Variants in PDE6A observed in about 807,000 individuals in gnomAD.
The protein encoded by PDE6A is phosphodiesterase 6A, also known as rod cGMP-specific 3',5'-cyclic phosphodiesterase subunit alpha.
A neutral mutation model predicts 106.3 loss-of-function variants in PDE6A; 84 were observed. The observed-to-expected ratio is 0.79, with a 90% CI of 0.66 to 0.95. The LOEUF is 0.95. Among genes scored for constraint, PDE6A ranks in the 40% least tolerant of loss-of-function variants. PDE6A has a pLI of 0.00. For synonymous variants in PDE6A, 394 were observed against 386.6 expected, an observed-to-expected ratio of 1.02 and a Z score of -0.23; for missense variants, 1,052 against 1,084.9, an observed-to-expected ratio of 0.97 and a Z score of 0.43.
chr5:149,907,471 G>A, intron 6 of PDE6A, 93 bp from the exon 7 acceptor site: 2 of 1,004,392 alleles, frequency 2.0e-6, no homozygotes, highest in Non-Finnish European at 1.6e-6. Context: ...CCTGCTCTCA[G>A]GTGGCTCTCA....
intron 6 of PDE6A, among the ~76,000 whole-genome samples, chr5:149,908,235 G>A (rs1753264469): frequency 6.6e-6 from 1 of 152,074 alleles, no homozygotes; most frequent in African/African-American, 2.4e-5. Context: ...TCAACTGTTG[G>A]TGGACATCCC....
intron 5 of PDE6A, among the ~76,000 whole-genome samples, chr5:149,920,945 AG>A (rs1428031570): frequency 3.6e-5 from 4 of 109,796 alleles, no homozygotes; most frequent in African/African-American, 2.3e-4. Flanking sequence ...AGAGAGAAAA[AG>A]AAAGAAAGAA....
chr5:149,933,693 T>C (rs1754106747), intron 3 of PDE6A, among the ~76,000 whole-genome samples: 1 of 152,232 alleles, frequency 6.6e-6, no homozygotes, highest in African/African-American at 2.4e-5. Context: ...CTTAGGGTCT[T>C]AGAGCTAGGC....
intron 1 of PDE6A, among the ~76,000 whole-genome samples, chr5:149,940,433 T>G (rs1337661730): frequency 2.0e-5 from 3 of 151,854 alleles, no homozygotes; most frequent in African/African-American, 7.3e-5. Context: ...CCACCGGGTA[T>G]GCTTTCCACA....
intron 6 of PDE6A, among the ~76,000 whole-genome samples, chr5:149,910,806 G>T (rs1171734809): frequency 1.3e-5 from 2 of 149,770 alleles, no homozygotes; most frequent in East Asian, 3.9e-4. Flanking sequence ...ACACTAAATT[G>T]CTATCTGACC....
chr5:149,934,698 A>G lies in PDE6A; in HGVS notation c.495T>C (p.Phe165=). The G allele has an allele frequency of 6.2e-7, 1 of 1,613,978 alleles. No individual in the cohort carries two copies. Among genetic ancestry groups the G allele is most frequent in the Non-Finnish European group, 8.5e-7 (1 of 1,180,030 alleles). The change falls in exon 2 of 22, where the codon TTT becomes TTC. Residue 165 remains phenylalanine (F), a synonymous_variant. Transcript: ENST00000255266. ...NTEEDEHFCD[F]VDILTEYKTK... The stretch of plus-strand genomic sequence containing the variant: ...TCTTGTACTCTGTGAGGATGTCCAC[A>G]AAGTCACAGAAATGCTCATCCTAAA...
chr5:149,867,695 A>G (rs747868234), intron 19 of PDE6A, 30 bp downstream of exon 19: 4 of 1,597,960 alleles, frequency 2.5e-6, no homozygotes, highest in Admixed American at 1.7e-5. Flanking sequence ...CACACACCTA[A>G]CATCAGGCTG....
At chr5:149,872,895 G>GT (rs1315898171) in intron 17 of PDE6A, among the ~76,000 whole-genome samples, 1 of 152,188 alleles carries the variant, frequency 6.6e-6, no homozygotes, top group African/African-American at 2.4e-5. Context: ...GACAGTAAAT[G>GT]TTTGACGTTT....
intron 13 of PDE6A, among the ~76,000 whole-genome samples, chr5:149,892,240 C>T (rs899938708): frequency 2.7e-4 from 41 of 151,918 alleles, no homozygotes; most frequent in African/African-American, 9.9e-4. Context: ...CACTTGAACC[C>T]AGGAGTTTGA....
chr5:149,892,068 C>T (rs1752565446), intron 13 of PDE6A, among the ~76,000 whole-genome samples: 1 of 152,058 alleles, frequency 6.6e-6, no homozygotes, highest in South Asian at 2.1e-4. Context: ...ATTCCAGCAA[C>T]TTGGGAGACT....
At position 149,931,113 on chromosome 5, in the gene PDE6A, T is replaced by C; in HGVS notation, c.773A>G (p.Gln258Arg). Residue 258 changes from glutamine (Q) to arginine (R), a missense_variant, in exon 4 of 22, where the codon CAG becomes CGG. Physicochemically the swap from Gln to Arg is conservative, Grantham distance 43. Around this residue, in one of 3 missense-constraint regions of PDE6A, gnomAD observed 913 missense variants for 915.2 expected, o/e 1.00. Transcript: ENST00000255266. ...GACTGTGTACAGGGCTTTGTGGAACTGTCGTTCGATGTCCGTAAGTTCTTC... is the reference window on the plus strand; with the variant it reads ...GACTGTGTACAGGGCTTTGTGGAACCGTCGTTCGATGTCCGTAAGTTCTTC... ...VFEELTDIER[Q>R]FHKALYTVRA... The C allele has an allele frequency of 6.2e-7, 1 of 1,614,186 alleles. No individual in the cohort carries two copies.
rs368921211 is a variant in PDE6A, at chr5:149,910,191, G to A, written c.999-2813C>T. 4.1e-4 allele frequency among the ~76,000 whole-genome samples: 43 copies of A among 104,662 alleles called. No homozygotes were observed. The East Asian group carries it at 6.0e-3, about 15-fold the overall frequency. 68.7% of individuals were successfully genotyped at this position (104,662 alleles called of 152,430 possible). A position where few individuals can be genotyped will look rare whatever the true frequency, so the allele number is the denominator to read the frequency against. ...TATCTCTACTAATGCTCTTTGGTATGTCTATTTTTCTATGATATTAATAAC... is the reference window on the plus strand; with the variant it reads ...TATCTCTACTAATGCTCTTTGGTATATCTATTTTTCTATGATATTAATAAC... On this transcript the variant is annotated intron_variant, in intron 6 of 21. Coordinates refer to ENST00000255266, the MANE Select transcript of PDE6A (RefSeq NM_000440.3).
chr5:149,899,704 C>T (rs939694999), intron 8 of PDE6A, among the ~76,000 whole-genome samples, 180 bp from the exon 9 acceptor site: 1 of 152,078 alleles, frequency 6.6e-6, no homozygotes, highest in Non-Finnish European at 1.5e-5. Flanking sequence ...CCCATCTGGT[C>T]GGAATTCCTT....
chr5:149,926,243 GA>G lies in PDE6A; in HGVS notation c.859-4535del, dbSNP rs1304193303. Among the ~76,000 whole-genome samples the G allele has an allele frequency of 6.0e-5, 9 of 149,922 alleles. No homozygotes were observed. The South Asian group carries it at 6.3e-4, about 10-fold the overall frequency. ...GGCAAAAGAGTGAGATATCTGTCTT[GA>G]AAAAAAAATTAATTAAAAAAAACAT... On this transcript the variant is annotated intron_variant, in intron 4 of 21. Coordinates refer to ENST00000255266, the MANE Select transcript of PDE6A (RefSeq NM_000440.3).
At chr5:149,883,315 G>C (rs1020760743) in intron 17 of PDE6A, 114 bp downstream of exon 17, 1 of 734,052 alleles carries the variant, frequency 1.4e-6, no homozygotes, top group Non-Finnish European at 2.5e-6. Context: ...TATGTTGAAG[G>C]CCTCCAAAAT....
chr5:149,882,425 T>G (rs1052356166), intron 17 of PDE6A, among the ~76,000 whole-genome samples: 2 of 152,068 alleles, frequency 1.3e-5, no homozygotes, highest in South Asian at 4.1e-4. Context: ...CAACTTTTCC[T>G]GACCATTGCC....
rs1043479340 is a variant in PDE6A, at chr5:149,863,036, G to T, written c.2506+83C>A. 14 of 1,520,450 alleles carry T rather than the reference G, an allele frequency of 9.2e-6. No homozygotes were observed. Among genetic ancestry groups the T allele is most frequent in the Non-Finnish European group, 1.3e-5 (14 of 1,094,968 alleles). 94.2% of individuals were successfully genotyped at this position (1,520,450 alleles called of 1,614,324 possible). On this transcript the variant is annotated intron_variant, in intron 21 of 21. Coordinates refer to ENST00000255266, the MANE Select transcript of PDE6A (RefSeq NM_000440.3). This position sits in a 1 kb window ranked among gnomAD's most constrained non-coding sequence, Gnocchi z 4.7. ...TCAGGAGGCCTGAATGAGACTCCGT[G>T]TAAGAGTCTCTGAGGCAGGACGCAG...
intron 6 of PDE6A, 23 bp from the exon 7 acceptor site, chr5:149,907,401 G>A (rs758178049): frequency 2.6e-5 from 42 of 1,601,458 alleles, no homozygotes; most frequent in Middle Eastern, 3.3e-4. Context: ...AAGACAAAAC[G>A]GTGACTCTCA....
Position 149,944,614 on chromosome 5 carries a change from G to C in PDE6A, c.60C>G (p.Ala20=), listed in dbSNP as rs765355369. The C allele has an allele frequency of 9.3e-6, 15 of 1,613,918 alleles. No individual in the cohort carries two copies. In the South Asian group the frequency reaches 1.4e-4, roughly 15 times the overall value. The change falls in exon 1 of 22, where the codon GCC becomes GCG. Residue 20 remains alanine (A), a synonymous_variant. Coordinates refer to ENST00000255266, the MANE Select transcript of PDE6A (RefSeq NM_000440.3). ...GGTAGTGGAGGTTGTAGTACTGTTT[G>C]GCAAAGCCAATATTCGAGTCCAGGA... ...EKFLDSNIGF[A]KQYYNLHYRA...
Sources: gnomAD v4.1 joint callset for allele counts (sites outside exome capture counted in the v4.1 genomes callset) on GRCh38, gnomAD v4.1.1 for gene constraint, gnomAD v4.1.1 regional missense constraint, Gnocchi (gnomAD v3.1) non-coding constraint, MANE v1.5 for transcripts, NCBI Gene and HGNC (gene_info 2026-07-23, HGNC 2026-07-21) for gene names.